Variants in MR1 observed in about 807,000 individuals in gnomAD.
MR1 encodes major histocompatibility complex, class I-related, also known as major histocompatibility complex class I-related protein 1.
MR1 carries 44 observed loss-of-function variants against 37.8 expected under a neutral mutation model. The ratio of observed to expected loss-of-function variants is 1.16; its 90% confidence interval spans 0.91 to 1.50. The LOEUF (loss-of-function observed/expected upper bound fraction) is 1.50. MR1 is among the 40% of genes most tolerant of loss of function. MR1 has a pLI of 0.00. For missense variants in MR1, 386 were observed against 419.1 expected, an observed-to-expected ratio of 0.92 and a Z score of 0.69; for synonymous variants, 153 against 155.8, an observed-to-expected ratio of 0.98 and a Z score of 0.13.
chr1:181,035,170 C>T (rs559208515), intron 1 of MR1, among the ~76,000 whole-genome samples: 70 of 151,940 alleles, frequency 4.6e-4, no homozygotes, highest in African/African-American at 1.7e-3. Flanking sequence ...GCACACCCAT[C>T]TCTACTAAAA....
intron 1 of MR1, among the ~76,000 whole-genome samples, chr1:181,035,449 T>C (rs532255418): frequency 6.6e-6 from 1 of 152,186 alleles, no homozygotes; most frequent in Admixed American, 6.5e-5. Flanking sequence ...TCTGCTTCCA[T>C]GAAAATTTAA....
chr1:181,042,063 G>C (rs1381622944), intron 1 of MR1, among the ~76,000 whole-genome samples: 2 of 152,192 alleles, frequency 1.3e-5, no homozygotes, highest in East Asian at 3.9e-4. Flanking sequence ...TGTACCTCCA[G>C]TGTAGCCACA....
rs1658764226 is a variant in MR1, at chr1:181,058,754, T to A, written c.*3489T>A. On this transcript the variant is annotated 3_prime_UTR_variant, in exon 6 of 6. Transcript: ENST00000367580. Reference sequence around the variant, plus strand: ...TGAAAACCACTGTCTGGGGTCTTTGTCCTCACATATGCAGGTCTAGTGTCC... The same window carrying A: ...TGAAAACCACTGTCTGGGGTCTTTGACCTCACATATGCAGGTCTAGTGTCC... 6.6e-6 allele frequency: 1 copy of A among 152,366 alleles called. No homozygotes were observed. Among genetic ancestry groups the A allele is most frequent in the Non-Finnish European group, 1.5e-5 (1 of 68,058 alleles). The allele number at this position is 152,366 out of a possible 1,614,324, so 9.4% of individuals were successfully genotyped here. A position where few individuals can be genotyped will look rare whatever the true frequency, so the allele number is the denominator to read the frequency against.
At chr1:181,052,184 T>C (rs186208207) in intron 3 of MR1, 51 bp from the exon 4 acceptor site, 19 of 1,571,800 alleles carry the variant, frequency 1.2e-5, no homozygotes, top group Non-Finnish European at 1.6e-5. Flanking sequence ...TCTAATATTA[T>C]ATGCTCAGTA....
intron 1 of MR1, among the ~76,000 whole-genome samples, chr1:181,045,854 C>A (rs1442440497): frequency 1.3e-5 from 2 of 152,234 alleles, no homozygotes; most frequent in Non-Finnish European, 2.9e-5. Flanking sequence ...GAGCGGGAAC[C>A]CGGGCTGCGG....
At chr1:181,034,979 C>T (rs914966809) in intron 1 of MR1, among the ~76,000 whole-genome samples, 2 of 152,064 alleles carry the variant, frequency 1.3e-5, no homozygotes, top group African/African-American at 4.8e-5. Flanking sequence ...TGCATGTGTA[C>T]ATCATAAATT....
At chr1:181,049,785 G>T in intron 2 of MR1, 1 of 569,336 alleles carries the variant, frequency 1.8e-6, no homozygotes, top group East Asian at 2.9e-5. Context: ...TCCCCAAGGC[G>T]GGAATTAGCA....
At chr1:181,054,287 C>T (rs112080390) in intron 5 of MR1, among the ~76,000 whole-genome samples, 19 of 152,260 alleles carry the variant, frequency 1.2e-4, no homozygotes, top group Non-Finnish European at 2.4e-4. Flanking sequence ...AGGCACTGTA[C>T]TGGTTGCTGG....
Position 181,059,862 on chromosome 1 carries a change from T to C in MR1, c.*4597T>C, listed in dbSNP as rs1205563105. 2 of 152,188 alleles carry C rather than the reference T, an allele frequency of 1.3e-5. No homozygotes were observed. Among genetic ancestry groups the C allele is most frequent in the Admixed American group, 1.3e-4 (2 of 15,286 alleles). 9.4% of individuals were successfully genotyped at this position (152,188 alleles called of 1,614,324 possible). On this transcript the variant is annotated 3_prime_UTR_variant, in exon 6 of 6. Coordinates refer to ENST00000367580, the MANE Select transcript of MR1 (RefSeq NM_001385161.1). The stretch of plus-strand genomic sequence containing the variant: ...CAATAGGAAGATTGTCAGAGTTACA[T>C]TGTAAGAAGAGCATGTAGTTGGGAG...
At chr1:181,042,764 G>A (rs918695300) in intron 1 of MR1, among the ~76,000 whole-genome samples, 3 of 151,946 alleles carry the variant, frequency 2.0e-5, no homozygotes, top group African/African-American at 2.4e-5. Context: ...CCGAGATCAC[G>A]CCACTGCACT....
intron 1 of MR1, among the ~76,000 whole-genome samples, chr1:181,038,595 G>A (rs2102362291): frequency 6.6e-6 from 1 of 152,344 alleles, no homozygotes; most frequent in East Asian, 1.9e-4. Flanking sequence ...ATCAGAGGCA[G>A]TGAGTCATCC....
At chr1:181,049,707 C>T (rs1658185759) in intron 2 of MR1, 1 of 487,252 alleles carries the variant, frequency 2.1e-6, no homozygotes. Flanking sequence ...GCTCCTGCAT[C>T]TCTCTCCCTC....
chr1:181,043,821 G>A (rs938900705), intron 1 of MR1, among the ~76,000 whole-genome samples: 3 of 152,002 alleles, frequency 2.0e-5, no homozygotes, highest in Non-Finnish European at 4.4e-5. Context: ...CCTGGCCTTG[G>A]GGTGGTCAGT....
chr1:181,042,030 G>A (rs12036052), intron 1 of MR1, among the ~76,000 whole-genome samples: 11,389 of 151,932 alleles, frequency 0.075, 572 homozygotes, highest in Middle Eastern at 0.14. Context: ...CCTCCTTTTG[G>A]GTCCTCCTTC....
At chr1:181,052,565 A>G (rs1449547607) in intron 4 of MR1, 55 bp downstream of exon 4, 1 of 1,572,166 alleles carries the variant, frequency 6.4e-7, no homozygotes. Context: ...AGGGGTGAGC[A>G]GGAAACCATG....
intron 3 of MR1, chr1:181,051,247 C>A (rs537110739): frequency 1.3e-5 from 2 of 150,722 alleles, no homozygotes; most frequent in East Asian, 3.9e-4. Flanking sequence ...AAAACACACT[C>A]CTAAAAAAAC....
At chr1:181,037,431 C>T (rs1390609543) in intron 1 of MR1, among the ~76,000 whole-genome samples, 1 of 152,186 alleles carries the variant, frequency 6.6e-6, no homozygotes, top group Non-Finnish European at 1.5e-5. Context: ...CCCTAAGGCC[C>T]TCTTCTTAAT....
At chr1:181,038,837 C>G (rs747788660) in intron 1 of MR1, among the ~76,000 whole-genome samples, 1 of 151,456 alleles carries the variant, frequency 6.6e-6, no homozygotes. Flanking sequence ...GAGTTTTGCT[C>G]TTATTGCCCA....
Position 181,050,135 on chromosome 1 carries a change from G to A in MR1, c.453G>A (p.Trp151Ter), listed in dbSNP as rs777066135. The A allele has an allele frequency of 8.1e-6, 13 of 1,614,228 alleles. No individual in the cohort carries two copies. Among genetic ancestry groups the A allele is most frequent in the South Asian group, 1.1e-5 (1 of 91,078 alleles). The change falls in exon 3 of 6, where the codon TGG becomes TGA. Residue 151 changes from tryptophan to a stop codon, truncating the protein, a stop_gained. Coordinates refer to ENST00000367580, the MANE Select transcript of MR1 (RefSeq NM_001385161.1). LOFTEE classifies it high-confidence loss of function. ...TCTTCAATAAAGACACCCTCTCCTGGCTGGCTGTAGATAATGTGGCTCACA... is the reference window on the plus strand; with the variant it reads ...TCTTCAATAAAGACACCCTCTCCTGACTGGCTGTAGATAATGTGGCTCACA... ...FLIFNKDTLS[W>*]LAVDNVAHTI...
Sources: gnomAD v4.1 joint callset for allele counts (sites outside exome capture counted in the v4.1 genomes callset) on GRCh38, gnomAD v4.1.1 for gene constraint, MANE v1.5 for transcripts, NCBI Gene and HGNC (gene_info 2026-07-23, HGNC 2026-07-21) for gene names.